DBH: variants seen among roughly 807,000 people sequenced by gnomAD.
DBH encodes dopamine beta-hydroxylase (dopamine beta-monooxygenase).
Under a neutral mutation model 64.0 loss-of-function variants are expected in DBH, and 49 were observed. That is an observed-to-expected ratio of 0.77 (90% CI 0.61 to 0.97). The LOEUF (loss-of-function observed/expected upper bound fraction) is 0.97. Among genes scored for constraint, DBH ranks in the 50% least tolerant of loss-of-function variants. The probability of loss-of-function intolerance (pLI) is 0.00; values close to 1 mark genes in which losing one functional copy is unlikely to be tolerated. For synonymous variants in DBH, 343 were observed against 347.1 expected (o/e 0.99, Z 0.13); for missense variants, 828 against 826.6 (o/e 1.00, Z -0.02).
At chr9:133,649,033 G>A (rs1414796263) in intron 6 of DBH, among the ~76,000 whole-genome samples, 9 of 152,128 alleles carry the variant, frequency 5.9e-5, no homozygotes, top group South Asian at 2.1e-4. Context: ...GAGGGTGCCC[G>A]GTTTTACTGA....
In DBH at chr9:133,658,401, G is replaced by A. The variant is rs1200124192; in HGVS notation, c.1808G>A (p.Ser603Asn). Residue 603 changes from serine (S) to asparagine (N), a missense_variant, in exon 12 of 12, where the codon AGC (serine) becomes AAC (asparagine). Physicochemically the swap from Ser to Asn is conservative, Grantham distance 46. Coordinates refer to ENST00000393056, the MANE Select transcript of DBH (RefSeq NM_000787.4). ...TPQCPTSQGR[S>N]PAGPTVVSIG... Reference sequence around the variant, plus strand: ...CAGTGCCCCACCAGCCAGGGCCGAAGCCCTGCTGGCCCCACCGTTGTCAGC... The same window carrying A: ...CAGTGCCCCACCAGCCAGGGCCGAAACCCTGCTGGCCCCACCGTTGTCAGC... The A allele has an allele frequency of 6.2e-7, 1 of 1,613,472 alleles. No homozygotes were observed. Among genetic ancestry groups the A allele is most frequent in the Non-Finnish European group, 8.5e-7 (1 of 1,179,752 alleles).
At chr9:133,644,455 T>A (rs1832158135) in intron 5 of DBH, 135 bp downstream of exon 5, 1 of 761,756 alleles carries the variant, frequency 1.3e-6, no homozygotes, top group Non-Finnish European at 2.3e-6. Flanking sequence ...GGCCCTTGCG[T>A]CTGCCTCATC....
intron 9 of DBH, 47 bp from the exon 10 acceptor site, chr9:133,656,476 G>T (rs770219179): frequency 4.3e-6 from 7 of 1,612,710 alleles, no homozygotes; most frequent in Non-Finnish European, 5.9e-6. Context: ...GGATGGCAGC[G>T]TCTGCGTGGC....
chr9:133,656,783 A>AC, intron 10 of DBH, 133 bp downstream of exon 10: 1 of 1,180,266 alleles, frequency 8.5e-7, no homozygotes, highest in Non-Finnish European at 1.2e-6. Context: ...GGCATCACTC[A>AC]CCCCTCCCCT....
Position 133,643,524 on chromosome 9 carries a change from A to G in DBH, c.856A>G (p.Lys286Glu). 6.2e-7 allele frequency: 1 copy of G among 1,612,960 alleles called. No homozygotes were observed. The highest frequency in any genetic ancestry group is 8.5e-7 in the Non-Finnish European group (1 of 1,179,842). The change falls in exon 4 of 12, where the codon AAG becomes GAG. Residue 286 changes from lysine to glutamate, a missense_variant. By Grantham distance (56) the Lys-to-Glu change is moderately conservative. Coordinates refer to ENST00000393056, the MANE Select transcript of DBH (RefSeq NM_000787.4). The surrounding 1 kb of genome is among the most constrained non-coding windows in gnomAD (Gnocchi z 5.3). ...CCACTTCAGCGGGCCCTGCGACTCCAAGATGAAACCCGACCGCCTCAACTA... is the reference window on the plus strand; with the variant it reads ...CCACTTCAGCGGGCCCTGCGACTCCGAGATGAAACCCGACCGCCTCAACTA... ...VPHFSGPCDS[K>E]MKPDRLNYCR...
Position 133,658,462 on chromosome 9 carries a change from C to A in DBH, c.*15C>A. On this transcript the variant is annotated 3_prime_UTR_variant, in exon 12 of 12. Coordinates refer to ENST00000393056, the MANE Select transcript of DBH (RefSeq NM_000787.4). ...GCAAAGGCTGAGGGGGGACCTACTC[C>A]TCCCCCTCCTCCATGCTGTCCCTGT... is the stretch of plus-strand genomic sequence containing the variant. 1 of 1,596,322 alleles carries A rather than the reference C, an allele frequency of 6.3e-7. No homozygotes were observed. The highest frequency in any genetic ancestry group is 1.1e-5 in the South Asian group (1 of 89,146).
Position 133,651,563 on chromosome 9 carries a change from G to A in DBH, c.1192-71G>A, listed in dbSNP as rs887291372. 92 of 1,597,284 alleles carry A rather than the reference G, an allele frequency of 5.8e-5. No homozygotes were observed. In the African/African-American group the frequency reaches 7.4e-4, roughly 13 times the overall value. ...CTGCCCAGGGTGGCTGCTCCCTACCGGGTCCTGGCCATGGACGGGAGGGTC... is the reference window on the plus strand; with the variant it reads ...CTGCCCAGGGTGGCTGCTCCCTACCAGGTCCTGGCCATGGACGGGAGGGTC... On this transcript the variant is annotated intron_variant, in intron 6 of 11. Coordinates refer to ENST00000393056, the MANE Select transcript of DBH (RefSeq NM_000787.4).
Position 133,651,648 on chromosome 9 carries a change from C to G in DBH, c.1206C>G (p.Ser402=). Residue 402 remains serine (S), a synonymous_variant, in exon 7 of 12, where the codon TCC becomes TCG. Transcript: ENST00000393056. The stretch of plus-strand genomic sequence containing the variant: ...CGACCCCACAGGCACTGCCTCCCTC[C>G]GGGATCCACATCTTCGCCTCTCAGC... ...DKCTQLALPP[S]GIHIFASQLH... is the part of the protein sequence containing the mutation. 1.9e-6 allele frequency: 3 copies of G among 1,613,742 alleles called. No homozygotes were observed. Among genetic ancestry groups the G allele is most frequent in the Non-Finnish European group, 2.5e-6 (3 of 1,179,994 alleles).
At chr9:133,644,176 T>C in intron 4 of DBH, 42 bp from the exon 5 acceptor site, 1 of 1,510,314 alleles carries the variant, frequency 6.6e-7, no homozygotes, top group Non-Finnish European at 9.2e-7. Flanking sequence ...CCTGGGGCCC[T>C]CTCAGGACAC....
rs1396356797 is a variant in DBH, at chr9:133,642,327, C to T, written c.607C>T (p.Pro203Ser). 19 of 1,614,176 alleles carry T rather than the reference C, an allele frequency of 1.2e-5. No individual in the cohort carries two copies. Among genetic ancestry groups the T allele is most frequent in the Admixed American group, 1.7e-5 (1 of 60,030 alleles). The change falls in exon 3 of 12, where the codon CCC (proline) becomes TCC (serine). Residue 203 changes from proline (P) to serine (S), a missense_variant. By Grantham distance (74) the Pro-to-Ser change is moderately conservative. Transcript: ENST00000393056. ...QRVQLLKPNI[P>S]EPELPSDACT... Reference sequence around the variant, plus strand: ...GGTGCAGCTCCTGAAGCCCAATATCCCCGAACCGGAGTTGCCCTCAGACGC... The same window carrying T: ...GGTGCAGCTCCTGAAGCCCAATATCTCCGAACCGGAGTTGCCCTCAGACGC...
intron 9 of DBH, chr9:133,656,268 T>A: frequency 2.1e-6 from 1 of 486,870 alleles, no homozygotes; most frequent in Non-Finnish European, 3.8e-6. Context: ...CATCCGCTTG[T>A]CCCGTTTCAT....
At chr9:133,646,803 G>A (rs1832187169) in intron 5 of DBH, among the ~76,000 whole-genome samples, 1 of 152,154 alleles carries the variant, frequency 6.6e-6, no homozygotes, top group Admixed American at 6.5e-5. Context: ...GGATTACAAG[G>A]CGTGAGCCAC....
At chr9:133,638,801 GC>G (rs1436773080) in intron 1 of DBH, among the ~76,000 whole-genome samples, 1 of 152,140 alleles carries the variant, frequency 6.6e-6, no homozygotes, top group Non-Finnish European at 1.5e-5. Flanking sequence ...TCTAAGAAGG[GC>G]CCTTCTTGAG....
chr9:133,657,277 TG>T (rs570695563), intron 11 of DBH, 48 bp downstream of exon 11: 2 of 1,609,954 alleles, frequency 1.2e-6, no homozygotes, highest in Non-Finnish European at 1.7e-6. Context: ...GCAGGCCTCA[TG>T]GGGGGCCCCA....
rs769107895 is a variant in DBH at position 133,656,539 on chromosome 9, T to C, written c.1451T>C (p.Leu484Pro). 131 of 1,613,832 alleles carry C rather than the reference T, an allele frequency of 8.1e-5. No homozygotes were observed. Among genetic ancestry groups the C allele is most frequent in the Non-Finnish European group, 1.1e-4 (127 of 1,180,010 alleles). ...AACTTGCAGGGGGGCTTCGGGATCC[T>C]GGAGGAGATGTGTGTCAACTACGTG... is the stretch of plus-strand genomic sequence containing the variant. ...ELATVGGFGI[L>P]EEMCVNYVHY... The change falls in exon 10 of 12, where the codon CTG (leucine) becomes CCG (proline). Residue 484 changes from leucine to proline, a missense_variant. Physicochemically the swap from Leu to Pro is moderately conservative, Grantham distance 98 (BLOSUM62 -3). Coordinates refer to ENST00000393056, the MANE Select transcript of DBH (RefSeq NM_000787.4).
rs1311154908 is a variant in DBH, at chr9:133,643,632, C to A, written c.921+43C>A. Reference sequence around the variant, plus strand: ...CCAGCATGGTGTCTCCTGCCTGGGCCCCTGGCATCCCCACACCTCTGTTTC... The same window carrying A: ...CCAGCATGGTGTCTCCTGCCTGGGCACCTGGCATCCCCACACCTCTGTTTC... On this transcript the variant is annotated intron_variant, in intron 4 of 11. Coordinates refer to ENST00000393056, the MANE Select transcript of DBH (RefSeq NM_000787.4). This position sits in a 1 kb window ranked among gnomAD's most constrained non-coding sequence, Gnocchi z 5.3. 3 of 1,602,688 alleles carry A rather than the reference C, an allele frequency of 1.9e-6. No individual in the cohort carries two copies. Among genetic ancestry groups the A allele is most frequent in the Non-Finnish European group, 2.6e-6 (3 of 1,172,722 alleles).
intron 6 of DBH, among the ~76,000 whole-genome samples, chr9:133,650,775 T>G (rs973864181): frequency 6.6e-6 from 1 of 152,060 alleles, no homozygotes; most frequent in African/African-American, 2.4e-5. Context: ...CTCAAACTCC[T>G]TACCTCAAAT....
At chr9:133,641,536 G>A (rs1329541089) in intron 2 of DBH, among the ~76,000 whole-genome samples, 1 of 152,216 alleles carries the variant, frequency 6.6e-6, no homozygotes, top group Non-Finnish European at 1.5e-5. Flanking sequence ...CCACCCACAC[G>A]GGTCTGCACT....
chr9:133,642,139 C>A lies in DBH; in HGVS notation c.487-68C>A, dbSNP rs1020216511. The A allele has an allele frequency of 3.1e-6, 5 of 1,597,476 alleles. No individual in the cohort carries two copies. The Admixed American group carries it at 5.0e-5, about 16-fold the overall frequency. ...TAGGTGTGGGTGGGCAGGGATGTGGCATCCTCTCAGGAGCCCAACTCTGGG... is the reference window on the plus strand; with the variant it reads ...TAGGTGTGGGTGGGCAGGGATGTGGAATCCTCTCAGGAGCCCAACTCTGGG... On this transcript the variant is annotated intron_variant, in intron 2 of 11. Coordinates refer to ENST00000393056, the MANE Select transcript of DBH (RefSeq NM_000787.4).
Sources: gnomAD v4.1 joint callset for allele counts (sites outside exome capture counted in the v4.1 genomes callset) on GRCh38, gnomAD v4.1.1 for gene constraint, Gnocchi (gnomAD v3.1) non-coding constraint, MANE v1.5 for transcripts, NCBI Gene and HGNC (gene_info 2026-07-23, HGNC 2026-07-21) for gene names.